B4GALT5: variants seen among roughly 807,000 people sequenced by gnomAD.
B4GALT5 encodes the protein UDP-Gal:beta-GlcNAc beta-1,4-galactosyltransferase 5.
Under a neutral mutation model 45.0 loss-of-function variants are expected in B4GALT5, and 11 were observed. That is an observed-to-expected ratio of 0.24 (90% CI 0.15 to 0.40). B4GALT5 has a LOEUF of 0.40. B4GALT5 is among the 10% of genes least tolerant of loss of function. The pLI is 1.00. For missense variants in B4GALT5, 337 were observed against 500.2 expected (o/e 0.67, Z 3.11); for synonymous variants, 185 against 182.9 (o/e 1.01, Z -0.09).
At chr20:49,707,951 C>T (rs1243041679) in intron 1 of B4GALT5, among the ~76,000 whole-genome samples, 2 of 150,140 alleles carry the variant, frequency 1.3e-5, no homozygotes, top group East Asian at 1.9e-4. Flanking sequence ...TAGGAATGGC[C>T]GGGCACGGTG....
intron 1 of B4GALT5, among the ~76,000 whole-genome samples, chr20:49,691,295 C>A (rs1480893240): frequency 6.6e-6 from 1 of 152,064 alleles, no homozygotes. Flanking sequence ...GGTGGAAGGA[C>A]TGCTTGAGCC....
At chr20:49,648,662 A>T (rs1007843213) in intron 2 of B4GALT5, among the ~76,000 whole-genome samples, 4 of 152,210 alleles carry the variant, frequency 2.6e-5, no homozygotes, top group Non-Finnish European at 4.4e-5. Flanking sequence ...TTTATAATTT[A>T]AAAACCCTCA....
intron 1 of B4GALT5, among the ~76,000 whole-genome samples, chr20:49,691,208 C>T (rs919994334): frequency 1.4e-4 from 21 of 152,270 alleles, no homozygotes; most frequent in African/African-American, 4.8e-4. Flanking sequence ...CAGCTTTAGA[C>T]ACTGCTCCTA....
chr20:49,684,553 A>G, intron 1 of B4GALT5: 1 of 515,708 alleles, frequency 1.9e-6, no homozygotes, highest in Admixed American at 1.9e-5. Context: ...ATAGAGCAAG[A>G]CTCCTCAAGA....
At chr20:49,653,526 G>A (rs2085630637) in intron 2 of B4GALT5, among the ~76,000 whole-genome samples, 1 of 152,226 alleles carries the variant, frequency 6.6e-6, no homozygotes, top group Non-Finnish European at 1.5e-5. Flanking sequence ...CCATTACTGC[G>A]ATTCAGGGCA....
At chr20:49,707,147 C>T (rs547612068) in intron 1 of B4GALT5, among the ~76,000 whole-genome samples, 1 of 152,284 alleles carries the variant, frequency 6.6e-6, no homozygotes, top group Non-Finnish European at 1.5e-5. Flanking sequence ...AAACCAACCA[C>T]TTTCTTTCTA....
intron 4 of B4GALT5, among the ~76,000 whole-genome samples, chr20:49,642,838 AAC>A (rs1450570611): frequency 2.0e-5 from 3 of 152,254 alleles, no homozygotes; most frequent in Admixed American, 2.0e-4. Context: ...CTCATAGGAA[AAC>A]ACACATTCTA....
chr20:49,649,655 C>T (rs1281421569), intron 2 of B4GALT5, among the ~76,000 whole-genome samples: 1 of 152,120 alleles, frequency 6.6e-6, no homozygotes, highest in East Asian at 1.9e-4. Context: ...TCTCTGAGCT[C>T]AGCTCATACA....
chr20:49,704,289 T>C (rs111438477), intron 1 of B4GALT5, among the ~76,000 whole-genome samples: 6 of 152,224 alleles, frequency 3.9e-5, no homozygotes, highest in African/African-American at 1.4e-4. Context: ...ATGTCAATTA[T>C]CCATACTTTT....
Position 49,636,201 on chromosome 20 carries a change from GAC to G in B4GALT5, c.*109_*110del. ...CCCTGAACTCTGTGATCCTTCATGA[GAC>G]ACAGTATTTCTGTTCTCTTGCTGTG... On this transcript the variant is annotated 3_prime_UTR_variant, in exon 9 of 9. Coordinates refer to ENST00000371711, the MANE Select transcript of B4GALT5 (RefSeq NM_004776.4). The G allele has an allele frequency of 2.2e-6, 3 of 1,347,688 alleles. No individual in the cohort carries two copies. The highest frequency in any genetic ancestry group is 3.1e-6 in the Non-Finnish European group (3 of 974,354). 83.5% of individuals were successfully genotyped at this position (1,347,688 alleles called of 1,614,324 possible).
rs778426736 is a variant in B4GALT5 at position 49,636,409 on chromosome 20, T to C, written c.1070A>G (p.Asn357Ser). 5 of 1,614,186 alleles carry C rather than the reference T, an allele frequency of 3.1e-6. No individual in the cohort carries two copies. The highest frequency in any genetic ancestry group is 1.7e-5 in the Admixed American group (1 of 60,022). The stretch of plus-strand genomic sequence containing the variant: ...GATGTTTGCAAAGTAGTTCAGGTTG[T>C]TGAGGCCATCCAGCCCTTGCCGTTC... ...SKERQGLDGL[N>S]NLNYFANITY... The change falls in exon 9 of 9, where the codon AAC becomes AGC. Residue 357 changes from asparagine to serine, a missense_variant. Asn to Ser is a conservative substitution (Grantham distance 46, BLOSUM62 1). Transcript: ENST00000371711.
intron 7 of B4GALT5, 46 bp downstream of exon 7, chr20:49,639,632 T>C (rs1601244926): frequency 6.2e-7 from 1 of 1,607,694 alleles, no homozygotes; most frequent in Non-Finnish European, 8.5e-7. Context: ...TGGTCTGCAG[T>C]CTAAGGTAGC....
chr20:49,647,029 T>C lies in B4GALT5; in HGVS notation c.300A>G (p.Thr100=), dbSNP rs369913354. The change falls in exon 3 of 9, where the codon ACA becomes ACG. Residue 100 remains threonine, a synonymous_variant. Coordinates refer to ENST00000371711, the MANE Select transcript of B4GALT5 (RefSeq NM_004776.4). ...AGTAGGTGAAGTCTTCAGGAAGAAA[T>C]GTTGTAGTTTGCAGGAAGGTTTCAC... ...NHSETFLQTT[T]FLPEDFTYFA... is the part of the protein sequence containing the mutation. The C allele has an allele frequency of 1.2e-5, 19 of 1,613,822 alleles. No individual in the cohort carries two copies. The African/African-American group carries it at 2.0e-4, about 17-fold the overall frequency.
rs527472161 is a variant in B4GALT5 at position 49,696,594 on chromosome 20, G to A, written c.115+16982C>T. 3.3e-5 allele frequency among the ~76,000 whole-genome samples: 5 copies of A among 152,288 alleles called. No individual in the cohort carries two copies. In the South Asian group the frequency reaches 1.0e-3, roughly 32 times the overall value. Reference sequence around the variant, plus strand: ...AAAGAGATTGTAAAAGATTATTCTAGCACAAATACAGATTTAAATTGCTGC... The same window carrying A: ...AAAGAGATTGTAAAAGATTATTCTAACACAAATACAGATTTAAATTGCTGC... On this transcript the variant is annotated intron_variant, in intron 1 of 8. Coordinates refer to ENST00000371711, the MANE Select transcript of B4GALT5 (RefSeq NM_004776.4).
At chr20:49,681,706 C>G (rs1037365231) in intron 1 of B4GALT5, among the ~76,000 whole-genome samples, 1 of 152,230 alleles carries the variant, frequency 6.6e-6, no homozygotes, top group Non-Finnish European at 1.5e-5. Context: ...GTAACTCTAC[C>G]CTTTTACCCT....
At chr20:49,636,961 C>G (rs2085556670) in intron 8 of B4GALT5, among the ~76,000 whole-genome samples, 1 of 148,404 alleles carries the variant, frequency 6.7e-6, no homozygotes, top group African/African-American at 2.5e-5. Context: ...AACACAGCAA[C>G]TGCAGCCACC....
intron 1 of B4GALT5, among the ~76,000 whole-genome samples, chr20:49,668,511 G>C (rs2085701735): frequency 6.6e-6 from 1 of 151,260 alleles, no homozygotes. Flanking sequence ...TATAAGCTTG[G>C]GTGGGAGAAA....
intron 1 of B4GALT5, among the ~76,000 whole-genome samples, chr20:49,696,309 A>G (rs1295616623): frequency 6.6e-6 from 1 of 152,242 alleles, no homozygotes; most frequent in African/African-American, 2.4e-5. Context: ...AAAAAAACTA[A>G]TTAGACATAC....
chr20:49,661,263 T>TCTC (rs1274162597), intron 1 of B4GALT5, among the ~76,000 whole-genome samples: 1 of 152,012 alleles, frequency 6.6e-6, no homozygotes, highest in Admixed American at 6.5e-5. Context: ...GGAGATAGAG[T>TCTC]CTCCCTCTGT....
Sources: allele counts gnomAD v4.1 joint callset (sites outside exome capture counted in the v4.1 genomes callset), GRCh38; gene constraint gnomAD v4.1.1; transcripts MANE v1.5; gene names NCBI Gene and HGNC (gene_info 2026-07-23, HGNC 2026-07-21).